MBNL2: variants seen among roughly 807,000 people sequenced by gnomAD.
MBNL2 encodes the protein muscleblind-like protein 2.
A neutral mutation model predicts 41.9 loss-of-function variants in MBNL2; 17 were observed. The ratio of observed to expected loss-of-function variants is 0.41; its 90% CI spans 0.28 to 0.61. MBNL2 has a LOEUF of 0.61. Ranked by LOEUF, MBNL2 falls within the 20% of genes least tolerant of loss-of-function variation. MBNL2 has a pLI of 0.35. For missense variants in MBNL2, 336 were observed against 505.6 expected, an observed-to-expected ratio of 0.66 and a Z score of 3.22; for synonymous variants, 195 against 182.9, an observed-to-expected ratio of 1.07 and a Z score of -0.53.
At chr13:97,265,417 T>C (rs955546665) in intron 1 of MBNL2, among the ~76,000 whole-genome samples, 1 of 152,208 alleles carries the variant, frequency 6.6e-6, no homozygotes, top group Non-Finnish European at 1.5e-5. Flanking sequence ...AAATACCATG[T>C]AAAATGAAGA....
chr13:97,155,971 C>T, the MBNL2 span, among the ~76,000 whole-genome samples: 8 of 127,302 alleles, frequency 6.3e-5, no homozygotes, highest in Non-Finnish European at 6.5e-5. Flanking sequence ...GGAATCGCCA[C>T]ACTGACTTCC....
In MBNL2 at chr13:97,394,102, AAAG is replaced by A. The variant is rs2153176317; in HGVS notation, c.*2657_*2659del. 6.5e-6 allele frequency: 1 copy of A among 152,734 alleles called. No individual in the cohort carries two copies. Among genetic ancestry groups the A allele is most frequent in the South Asian group, 2.1e-4 (1 of 4,830 alleles). The allele number at this position is 152,734 out of a possible 1,614,324, so 9.5% of individuals were successfully genotyped here. On this transcript the variant is annotated 3_prime_UTR_variant, in exon 9 of 9. Transcript: ENST00000679496. Reference sequence around the variant, plus strand: ...CACCCAATGTACAACCAATGAAATAAAAGAAGCATTTAAAAGGATTGTATAGTC... The same window carrying A: ...CACCCAATGTACAACCAATGAAATAAAAGCATTTAAAAGGATTGTATAGTC...
At position 97,281,762 on chromosome 13, in the gene MBNL2, A is replaced by G. The variant is rs143695597; in HGVS notation, c.174+5353A>G. Among the ~76,000 whole-genome samples, 1,281 of 152,358 alleles carry G rather than the reference A, an allele frequency of 8.4e-3. 20 individuals are homozygous for G. The highest frequency in any genetic ancestry group is 0.027 in the African/African-American group (1,132 of 41,576). ...AGTAACATAGAGCCTACTATATGCC[A>G]GGTACTTTTCGTGCATTATCTATTC... On this transcript the variant is annotated intron_variant, in intron 2 of 8. Coordinates refer to ENST00000679496, the MANE Select transcript of MBNL2 (RefSeq NM_001382683.1).
At chr13:97,269,857 C>T (rs1400312140) in intron 1 of MBNL2, among the ~76,000 whole-genome samples, 7 of 152,234 alleles carry the variant, frequency 4.6e-5, no homozygotes, top group Non-Finnish European at 1.0e-4. Context: ...TACACCAGGT[C>T]TAATCCTGGT....
At chr13:97,241,074 C>T (rs1261669751) in intron 1 of MBNL2, among the ~76,000 whole-genome samples, 1 of 152,206 alleles carries the variant, frequency 6.6e-6, no homozygotes, top group African/African-American at 2.4e-5. Context: ...TTCTAGCCCT[C>T]TGGTCCCTCA....
chr13:97,388,013 A>G (rs1383559123), intron 8 of MBNL2, among the ~76,000 whole-genome samples: 2 of 152,054 alleles, frequency 1.3e-5, no homozygotes, highest in African/African-American at 4.8e-5. Flanking sequence ...TGAGTAGGGA[A>G]CTTTGGGCAC....
chr13:97,190,816 C>A, the MBNL2 span, among the ~76,000 whole-genome samples: 3 of 152,200 alleles, frequency 2.0e-5, no homozygotes, highest in Admixed American at 1.3e-4. Context: ...GAGTTTGAAG[C>A]CTGAGGTTGG....
intron 1 of MBNL2, among the ~76,000 whole-genome samples, chr13:97,270,816 C>G (rs2050794959): frequency 1.3e-5 from 2 of 152,204 alleles, no homozygotes; most frequent in Admixed American, 6.5e-5. Flanking sequence ...CATCCTTACC[C>G]TCCATTGCTC....
chr13:97,190,683 A>G, the MBNL2 span, among the ~76,000 whole-genome samples: 2 of 152,232 alleles, frequency 1.3e-5, no homozygotes, highest in Admixed American at 6.5e-5. Context: ...TGCATAGTCA[A>G]GGAGGCAGTG....
the MBNL2 span, among the ~76,000 whole-genome samples, chr13:97,213,235 TGACAG>T: frequency 6.6e-6 from 1 of 152,088 alleles, no homozygotes; most frequent in African/African-American, 2.4e-5. Context: ...CTATGGTTGT[TGACAG>T]AAGAGAGTGA....
chr13:97,348,259 C>G (rs376609031), intron 5 of MBNL2, among the ~76,000 whole-genome samples: 1 of 151,724 alleles, frequency 6.6e-6, no homozygotes, highest in Non-Finnish European at 1.5e-5. Flanking sequence ...AGGGTCTCAC[C>G]ATGTTGTCCA....
the MBNL2 span, among the ~76,000 whole-genome samples, chr13:97,187,739 C>T: frequency 6.6e-6 from 1 of 151,576 alleles, no homozygotes; most frequent in Admixed American, 6.6e-5. Flanking sequence ...AACCCCGTCT[C>T]TACTAAAAAT....
At chr13:97,205,959 T>A in the MBNL2 span, among the ~76,000 whole-genome samples, 1 of 152,230 alleles carries the variant, frequency 6.6e-6, no homozygotes, top group South Asian at 2.1e-4. Context: ...TTGTAACCCA[T>A]GTGAAGTGCT....
chr13:97,195,191 C>T, the MBNL2 span, among the ~76,000 whole-genome samples: 29 of 152,176 alleles, frequency 1.9e-4, no homozygotes, highest in African/African-American at 6.8e-4. Context: ...GGAACATCGT[C>T]GTCTCAGGAC....
chr13:97,270,290 T>C (rs1223136846), intron 1 of MBNL2, among the ~76,000 whole-genome samples: 1 of 152,204 alleles, frequency 6.6e-6, no homozygotes, highest in African/African-American at 2.4e-5. Flanking sequence ...TAACCCAATA[T>C]ATTAAAAATA....
the MBNL2 span, among the ~76,000 whole-genome samples, chr13:97,157,185 GCT>G: frequency 6.9e-6 from 1 of 144,756 alleles, no homozygotes; most frequent in Non-Finnish European, 1.5e-5. Flanking sequence ...TCATGATTTG[GCT>G]CTCTGTTTGT....
upstream of MBNL2, among the ~76,000 whole-genome samples, chr13:97,220,872 C>T (rs1331559330): frequency 6.6e-6 from 1 of 152,160 alleles, no homozygotes; most frequent in East Asian, 1.9e-4. Context: ...AATCACAAAT[C>T]TGTTTAAGTA....
chr13:97,227,513 C>T (rs1363822514), intron 1 of MBNL2, among the ~76,000 whole-genome samples: 2 of 152,084 alleles, frequency 1.3e-5, no homozygotes, highest in Admixed American at 6.5e-5. Flanking sequence ...TTACAAAGGG[C>T]GTTCACAGGC....
At chr13:97,309,471 TG>T (rs1292729028) in intron 2 of MBNL2, among the ~76,000 whole-genome samples, 1 of 152,090 alleles carries the variant, frequency 6.6e-6, no homozygotes, top group African/African-American at 2.4e-5. Context: ...TGGAAGACAG[TG>T]TGAAGAGACA....
Sources: gnomAD v4.1 joint callset for allele counts (sites outside exome capture counted in the v4.1 genomes callset) on GRCh38, gnomAD v4.1.1 for gene constraint, MANE v1.5 for transcripts, NCBI Gene and HGNC (gene_info 2026-07-23, HGNC 2026-07-21) for gene names.